The following PGPEP1 variants were observed in gnomAD, a reference collection of about 807,000 sequenced individuals.
PGPEP1 encodes the protein pyroglutamyl-peptidase I.
Under a neutral mutation model 24.1 loss-of-function variants are expected in PGPEP1, and 15 were observed. The ratio of observed to expected loss-of-function variants is 0.62; its 90% confidence interval spans 0.42 to 0.96. The LOEUF is 0.96. PGPEP1 is among the 40% of genes least tolerant of loss of function. The pLI is 0.00. For synonymous variants in PGPEP1, 122 were observed against 116.4 expected (o/e 1.05, Z -0.31); for missense variants, 242 against 273.4 (o/e 0.89, Z 0.81).
chr19:18,352,189 G>A (rs1568312812), intron 2 of PGPEP1, among the ~76,000 whole-genome samples: 4 of 148,514 alleles, frequency 2.7e-5, no homozygotes, highest in African/African-American at 7.5e-5. Flanking sequence ...GGAGAATGGC[G>A]TGAACCCGGG....
intron 2 of PGPEP1, among the ~76,000 whole-genome samples, chr19:18,354,852 G>A (rs377623733): frequency 6.6e-6 from 1 of 151,884 alleles, no homozygotes; most frequent in South Asian, 2.1e-4. Context: ...TAGGATAATG[G>A]CAGCCAATGT....
intron 2 of PGPEP1, among the ~76,000 whole-genome samples, chr19:18,345,395 A>G (rs1044514950): frequency 6.6e-6 from 1 of 152,062 alleles, no homozygotes; most frequent in African/African-American, 2.4e-5. Context: ...TGATTGTTTC[A>G]CTTAAACAAA....
intron 2 of PGPEP1, among the ~76,000 whole-genome samples, chr19:18,352,151 A>G (rs1394089293): frequency 1.3e-5 from 2 of 150,978 alleles, no homozygotes; most frequent in African/African-American, 4.9e-5. Context: ...GGGTGCCTGT[A>G]GTCCCAGCTA....
chr19:18,348,117 T>C (rs1262835448), intron 2 of PGPEP1, among the ~76,000 whole-genome samples: 3 of 151,928 alleles, frequency 2.0e-5, no homozygotes, highest in Admixed American at 6.6e-5. Context: ...GCACCATGTG[T>C]CTCGTGTGTC....
Position 18,340,598 on chromosome 19 carries a change from C to T in PGPEP1, c.-84C>T. The T allele has an allele frequency of 7.4e-7, 1 of 1,345,854 alleles. No homozygotes were observed. The highest frequency in any genetic ancestry group is 9.9e-7 in the Non-Finnish European group (1 of 1,005,118). The allele number at this position is 1,345,854 out of a possible 1,614,324, so 83.4% of individuals were successfully genotyped here. On this transcript the variant is annotated 5_prime_UTR_variant, in exon 1 of 5. Transcript: ENST00000269919. ...GCCGGGGGCTTGACAGGGGCGTGGC[C>T]TCGCGCGGCCGAGAGGCTGCAGCGG...
At chr19:18,348,408 C>T (rs770813919) in intron 2 of PGPEP1, among the ~76,000 whole-genome samples, 6 of 152,072 alleles carry the variant, frequency 3.9e-5, no homozygotes, top group Non-Finnish European at 5.9e-5. Flanking sequence ...GGCTGCGCGG[C>T]GGGGTCCTGT....
Position 18,363,311 on chromosome 19 carries a change from G to C in PGPEP1, c.438-80G>C, listed in dbSNP as rs186214361. The C allele has an allele frequency of 5.9e-4, 673 of 1,131,432 alleles. 2 individuals carry two copies. Among genetic ancestry groups the C allele is most frequent in the Admixed American group, 1.1e-3 (52 of 48,296 alleles). The allele number at this position is 1,131,432 out of a possible 1,614,324, so 70.1% of individuals were successfully genotyped here. On this transcript the variant is annotated intron_variant, in intron 4 of 4. Coordinates refer to ENST00000269919, the MANE Select transcript of PGPEP1 (RefSeq NM_017712.4). Reference sequence around the variant, plus strand: ...TAAGGTCTTCCCTTGGATTTGGATGGGTGCTGTCACCTTGGTCTACGGATT... The same window carrying C: ...TAAGGTCTTCCCTTGGATTTGGATGCGTGCTGTCACCTTGGTCTACGGATT...
At chr19:18,358,278 G>A (rs1246205183) in intron 4 of PGPEP1, among the ~76,000 whole-genome samples, 3 of 26,666 alleles carry the variant, frequency 1.1e-4, no homozygotes, top group East Asian at 2.2e-3. Context: ...TTTTTTTTTT[G>A]AGACGGAGTT....
chr19:18,350,847 C>T (rs1970999188), intron 2 of PGPEP1, among the ~76,000 whole-genome samples: 1 of 152,066 alleles, frequency 6.6e-6, no homozygotes, highest in African/African-American at 2.4e-5. Context: ...ATCGCTTGAG[C>T]CCTGGAGGTC....
At chr19:18,358,500 T>C (rs1971255120) in intron 4 of PGPEP1, among the ~76,000 whole-genome samples, 1 of 151,970 alleles carries the variant, frequency 6.6e-6, no homozygotes, top group African/African-American at 2.4e-5. Flanking sequence ...CCTCAGGTGA[T>C]GCACCCACCT....
rs149455349 is a variant in PGPEP1 at position 18,363,531 on chromosome 19, T to C, written c.578T>C (p.Leu193Ser). ...CTGAGAGCCATCATTGAGGAGATGT[T>C]GGACCTCCTGGAGCAGTCAGAGGGC... is the stretch of plus-strand genomic sequence containing the variant. ...RALRAIIEEM[L>S]DLLEQSEGKI... is the part of the protein sequence containing the mutation. The change falls in exon 5 of 5, where the codon TTG (leucine) becomes TCG (serine). Residue 193 changes from leucine (L) to serine (S), a missense_variant. By Grantham distance (145) the Leu-to-Ser change is moderately radical. Transcript: ENST00000269919. The C allele has an allele frequency of 2.5e-6, 4 of 1,614,030 alleles. No individual in the cohort carries two copies. In the African/African-American group the frequency reaches 5.3e-5, roughly 22 times the overall value.
Position 18,364,099 on chromosome 19 carries a change from T to TCTTTTCTTTCTTTCTTTCTTG in PGPEP1, c.*520_*521insTCTTTCTTTCTTTCTTGCTTT, listed in dbSNP as rs1971444387. On this transcript the variant is annotated 3_prime_UTR_variant, in exon 5 of 5. Coordinates refer to ENST00000269919, the MANE Select transcript of PGPEP1 (RefSeq NM_017712.4). The stretch of plus-strand genomic sequence containing the variant: ...GGCTGGCTGGCTTTCTTTCTTTCTT[T>TCTTTTCTTTCTTTCTTTCTTG]CTTTCTTTCTTTCTTGCTTTCTTTC... 7.5e-6 allele frequency: 1 copy of TCTTTTCTTTCTTTCTTTCTTG among 133,540 alleles called. No homozygotes were observed. The highest frequency in any genetic ancestry group is 2.5e-4 in the South Asian group (1 of 4,006). The allele number at this position is 133,540 out of a possible 1,614,324, so 8.3% of individuals were successfully genotyped here.
At chr19:18,357,802 C>G in intron 4 of PGPEP1, 187 bp downstream of exon 4, 1 of 591,196 alleles carries the variant, frequency 1.7e-6, no homozygotes, top group Non-Finnish European at 3.0e-6. Context: ...CATGGATCTG[C>G]CCACTTCTCC....
chr19:18,342,573 C>A (rs571944739), intron 1 of PGPEP1, among the ~76,000 whole-genome samples: 1 of 152,158 alleles, frequency 6.6e-6, no homozygotes, highest in Non-Finnish European at 1.5e-5. Context: ...AGGATCAGGA[C>A]CTTTTCGGAG....
intron 2 of PGPEP1, among the ~76,000 whole-genome samples, chr19:18,355,051 C>G (rs1006763465): frequency 1.3e-4 from 19 of 145,216 alleles, no homozygotes; most frequent in African/African-American, 5.0e-4. Context: ...TCATTGAAAG[C>G]TCTGCCTTCC....
chr19:18,357,539 G>A lies in PGPEP1; in HGVS notation c.361G>A (p.Asp121Asn), dbSNP rs559452703. 1.5e-5 allele frequency: 24 copies of A among 1,613,298 alleles called. No homozygotes were observed. In the Middle Eastern group the frequency reaches 5.0e-4, roughly 33 times the overall value. ...DGPESIDSII[D>N]MDAVCKRVTT... ...GCCTGAAAGCATTGACTCCATCATC[G>A]ACATGGATGCTGTGTGCAAGCGAGT... is the stretch of plus-strand genomic sequence containing the variant. The change falls in exon 4 of 5, where the codon GAC (aspartate) becomes AAC (asparagine). Residue 121 changes from aspartate to asparagine, a missense_variant. By Grantham distance (23) the Asp-to-Asn change is conservative. Coordinates refer to ENST00000269919, the MANE Select transcript of PGPEP1 (RefSeq NM_017712.4).
In PGPEP1 at chr19:18,342,930, G is replaced by A. The variant is rs776166765; in HGVS notation, c.87+19G>A. The A allele has an allele frequency of 2.9e-5, 46 of 1,604,226 alleles. No individual in the cohort carries two copies. Among genetic ancestry groups the A allele is most frequent in the Non-Finnish European group, 3.8e-5 (44 of 1,171,000 alleles). On this transcript the variant is annotated intron_variant, in intron 2 of 4. Coordinates refer to ENST00000269919, the MANE Select transcript of PGPEP1 (RefSeq NM_017712.4). ...AGTTCAGGTAACTTAGATCCGGAGG[G>A]TGGGAGTCAGGCTTGGAGCTGGGCA...
At chr19:18,360,266 A>G (rs1031737447) in intron 4 of PGPEP1, among the ~76,000 whole-genome samples, 6 of 152,148 alleles carry the variant, frequency 3.9e-5, no homozygotes, top group Non-Finnish European at 7.3e-5. Context: ...GGCCTCCCAA[A>G]GTGCTGGGAT....
At chr19:18,356,685 A>T (rs1374603892) in intron 3 of PGPEP1, among the ~76,000 whole-genome samples, 8 of 151,684 alleles carry the variant, frequency 5.3e-5, no homozygotes, top group Non-Finnish European at 1.2e-4. Context: ...TTAAGACTGC[A>T]GTGAGCCAAG....
Sources: gnomAD v4.1 joint callset for allele counts (sites outside exome capture counted in the v4.1 genomes callset) on GRCh38, gnomAD v4.1.1 for gene constraint, MANE v1.5 for transcripts, NCBI Gene and HGNC (gene_info 2026-07-23, HGNC 2026-07-21) for gene names.